The following ARFGAP3 variants were observed in gnomAD, a reference collection of about 807,000 sequenced individuals.
ARFGAP3 encodes ARF GTPase activating protein 3.
A neutral mutation model predicts 75.0 loss-of-function variants in ARFGAP3; 72 were observed. The observed-to-expected ratio is 0.96, with a 90% CI of 0.79 to 1.17. The LOEUF is 1.17. ARFGAP3 is among the 50% of genes most tolerant of loss of function. ARFGAP3 has a pLI of 0.00. For synonymous variants in ARFGAP3, 221 were observed against 217.9 expected (o/e 1.01, Z -0.13); for missense variants, 620 against 626.6 (o/e 0.99, Z 0.11).
chr22:42,831,518 T>C lies in ARFGAP3; in HGVS notation c.565+31A>G, dbSNP rs200558020. On this transcript the variant is annotated intron_variant, in intron 6 of 15. Coordinates refer to ENST00000263245, the MANE Select transcript of ARFGAP3 (RefSeq NM_014570.5). ...CATAGCATGCCACTGAACCATAGAA[T>C]AGTATTACATGACAGTTCTAAGGAC... 5.6e-6 allele frequency: 9 copies of C among 1,593,302 alleles called. No homozygotes were observed. In the East Asian group the frequency reaches 9.0e-5, roughly 16 times the overall value.
At position 42,822,367 on chromosome 22, in the gene ARFGAP3, T is replaced by C; in HGVS notation, c.715A>G (p.Asn239Asp). ...TTTTCAATTTCATTAAAGCATGTGT[T>C]TGCCAGTTTCTGAGCTCCCAAACTT... ...KGSLGAQKLANTCFNEIEKQA... is the reference protein window; with the variant it reads ...KGSLGAQKLADTCFNEIEKQA... The change falls in exon 9 of 16, where the codon AAC (asparagine) becomes GAC (aspartate). Residue 239 changes from asparagine (N) to aspartate (D), a missense_variant. Coordinates refer to ENST00000263245, the MANE Select transcript of ARFGAP3 (RefSeq NM_014570.5). The C allele has an allele frequency of 6.2e-7, 1 of 1,614,172 alleles. No individual in the cohort carries two copies. Among genetic ancestry groups the C allele is most frequent in the Non-Finnish European group, 8.5e-7 (1 of 1,180,030 alleles).
At chr22:42,813,087 G>T (rs141742082) in intron 11 of ARFGAP3, among the ~76,000 whole-genome samples, 1 of 152,366 alleles carries the variant, frequency 6.6e-6, no homozygotes, top group African/African-American at 2.4e-5. Context: ...AAGGCACCAT[G>T]AAAGAACTAA....
chr22:42,800,123 T>C (rs886314959), intron 14 of ARFGAP3, among the ~76,000 whole-genome samples: 3 of 152,198 alleles, frequency 2.0e-5, no homozygotes, highest in Admixed American at 6.5e-5. Flanking sequence ...TGTGTCACAA[T>C]TGTAATAAGA....
At chr22:42,809,444 A>G (rs1925265460) in intron 12 of ARFGAP3, among the ~76,000 whole-genome samples, 1 of 152,206 alleles carries the variant, frequency 6.6e-6, no homozygotes, top group Non-Finnish European at 1.5e-5. Context: ...AAGACAAGTT[A>G]AACCAGAGTA....
At chr22:42,826,456 T>C (rs1926042376) in intron 7 of ARFGAP3, among the ~76,000 whole-genome samples, 1 of 151,894 alleles carries the variant, frequency 6.6e-6, no homozygotes. Context: ...CATGGCTCAC[T>C]GCAGCCTCAA....
chr22:42,848,499 C>T (rs1414693929), intron 1 of ARFGAP3, among the ~76,000 whole-genome samples: 7 of 152,200 alleles, frequency 4.6e-5, no homozygotes, highest in Admixed American at 1.3e-4. Context: ...TGAGCCACCG[C>T]GCCCGGGCTA....
At chr22:42,809,690 T>C (rs1160458729) in intron 12 of ARFGAP3, among the ~76,000 whole-genome samples, 2 of 152,002 alleles carry the variant, frequency 1.3e-5, no homozygotes, top group East Asian at 3.9e-4. Context: ...TTTTACTATA[T>C]GTAAATAATA....
rs772009965 is a variant in ARFGAP3, at chr22:42,810,774, T to C, written c.1196+39A>G. On this transcript the variant is annotated intron_variant, in intron 12 of 15. Coordinates refer to ENST00000263245, the MANE Select transcript of ARFGAP3 (RefSeq NM_014570.5). Reference sequence around the variant, plus strand: ...TCAGCAATTTTTTCCCAGAAATGCATGGATTCACTACTACAACCCCACAGT... The same window carrying C: ...TCAGCAATTTTTTCCCAGAAATGCACGGATTCACTACTACAACCCCACAGT... The C allele has an allele frequency of 1.9e-5, 29 of 1,565,870 alleles. 1 individual carries two copies. The South Asian group carries it at 3.3e-4, about 18-fold the overall frequency.
intron 4 of ARFGAP3, 61 bp downstream of exon 4, chr22:42,835,301 T>C: frequency 1.3e-5 from 21 of 1,574,368 alleles, no homozygotes; most frequent in Non-Finnish European, 1.8e-5. Flanking sequence ...AGGATAAAAA[T>C]CACTTTTTCT....
chr22:42,841,509 A>G (rs547896185), intron 2 of ARFGAP3, among the ~76,000 whole-genome samples: 1 of 152,316 alleles, frequency 6.6e-6, no homozygotes, highest in South Asian at 2.1e-4. Flanking sequence ...TCCTGAAGTG[A>G]AAGCTACAAG....
At chr22:42,818,377 T>C (rs1358730389) in intron 9 of ARFGAP3, among the ~76,000 whole-genome samples, 1 of 152,198 alleles carries the variant, frequency 6.6e-6, no homozygotes, top group East Asian at 1.9e-4. Context: ...TACATCTCTA[T>C]GCAATCAGGC....
At chr22:42,803,064 C>T (rs973979701) in intron 14 of ARFGAP3, among the ~76,000 whole-genome samples, 2 of 152,228 alleles carry the variant, frequency 1.3e-5, no homozygotes, top group East Asian at 1.9e-4. Flanking sequence ...GGTGTGATCA[C>T]AGCTGACTGC....
intron 14 of ARFGAP3, among the ~76,000 whole-genome samples, chr22:42,803,900 CTTT>C (rs11289963): frequency 0.029 from 3,445 of 119,568 alleles, 45 homozygotes; most frequent in African/African-American, 0.045. Context: ...CCTCCTTCCT[CTTT>C]TTTTTTTTTT....
intron 1 of ARFGAP3, among the ~76,000 whole-genome samples, chr22:42,848,813 T>C (rs1927140958): frequency 6.6e-6 from 1 of 152,224 alleles, no homozygotes; most frequent in Non-Finnish European, 1.5e-5. Context: ...TTGCATCCCG[T>C]GTAATCTCCA....
At chr22:42,853,180 A>G (rs1569178602) in intron 1 of ARFGAP3, among the ~76,000 whole-genome samples, 2 of 152,200 alleles carry the variant, frequency 1.3e-5, no homozygotes, top group Admixed American at 1.3e-4. Context: ...TTTCTTTCTG[A>G]TTCAGTTTAA....
At chr22:42,854,375 A>T (rs922066024) in intron 1 of ARFGAP3, among the ~76,000 whole-genome samples, 1 of 152,264 alleles carries the variant, frequency 6.6e-6, no homozygotes, top group Non-Finnish European at 1.5e-5. Flanking sequence ...CTGTAATCAC[A>T]GCACTTTGGG....
At chr22:42,822,439 C>T (rs747708930) in intron 8 of ARFGAP3, 30 bp from the exon 9 acceptor site, 13 of 1,603,008 alleles carry the variant, frequency 8.1e-6, no homozygotes, top group Non-Finnish European at 7.7e-6. Context: ...ATAGTCTACA[C>T]GAGCTGTTTG....
intron 14 of ARFGAP3, 50 bp from the exon 15 acceptor site, chr22:42,799,210 C>T (rs765032027): frequency 5.2e-5 from 83 of 1,602,716 alleles, no homozygotes; most frequent in Admixed American, 3.0e-4. Context: ...GCCACAGCTG[C>T]GGCAAACCCA....
intron 1 of ARFGAP3, among the ~76,000 whole-genome samples, chr22:42,855,559 G>T (rs556296406): frequency 9.9e-5 from 15 of 152,202 alleles, no homozygotes; most frequent in Middle Eastern, 3.4e-3. Context: ...AGTGGTGGAT[G>T]CCTGTAATCC....
Sources: allele counts gnomAD v4.1 joint callset (sites outside exome capture counted in the v4.1 genomes callset), GRCh38; gene constraint gnomAD v4.1.1; transcripts MANE v1.5; gene names NCBI Gene and HGNC (gene_info 2026-07-23, HGNC 2026-07-21).